The following PHF23 variants were observed in gnomAD, a reference collection of about 807,000 sequenced individuals.
The protein encoded by PHF23 is PHD finger protein 23, also known as PDH-containing protein JUNE-1.
PHF23 carries 3 observed loss-of-function variants against 36.0 expected under a neutral mutation model. That is an observed-to-expected ratio of 0.08 (90% CI 0.04 to 0.22). The LOEUF (loss-of-function observed/expected upper bound fraction) is 0.22, where lower values mean the gene tolerates loss of function less well. Ranked by LOEUF, PHF23 falls within the 10% of genes least tolerant of loss-of-function variation. The pLI, the probability that PHF23 is intolerant of heterozygous loss-of-function variation, is 1.00. For synonymous variants in PHF23, 242 were observed against 192.5 expected, an observed-to-expected ratio of 1.26 and a Z score of -2.13; for missense variants, 475 against 513.6, an observed-to-expected ratio of 0.92 and a Z score of 0.73.
At position 7,236,156 on chromosome 17, in the gene PHF23, T is replaced by TTCCTCTTCC. The variant is rs569508322; in HGVS notation, c.762_770dup (p.Glu259_Glu261dup). 3.1e-6 allele frequency: 5 copies of TTCCTCTTCC among 1,610,104 alleles called. No individual in the cohort carries two copies. Among genetic ancestry groups the TTCCTCTTCC allele is most frequent in the Admixed American group, 3.4e-5 (2 of 59,670 alleles). The stretch of plus-strand genomic sequence containing the variant: ...CCACTGTTGCCATCTCTTCTTCTTC[T>TTCCTCTTCC]TCCTCTTCCTCCTCTTCCTCCTCCT... On this transcript the variant is annotated inframe_insertion, in exon 4 of 5. Transcript: ENST00000320316. The surrounding 1 kb of genome is among the most constrained non-coding windows in gnomAD (Gnocchi z 5.1).
upstream of PHF23, chr17:7,239,468 G>C: frequency 2.5e-6 from 1 of 402,852 alleles, no homozygotes; most frequent in Non-Finnish European, 4.5e-6. Context: ...CCCGGACCGG[G>C]CCCCCTCCCC....
At position 7,236,637 on chromosome 17, in the gene PHF23, G is replaced by C. The variant is rs909582573; in HGVS notation, c.290C>G (p.Ser97Cys). The change falls in exon 4 of 5, where the codon TCC (serine) becomes TGC (cysteine). Residue 97 changes from serine to cysteine, a missense_variant. Physicochemically the swap from Ser to Cys is moderately radical, Grantham distance 112. This residue lies in a region of PHF23 where 350 missense variants were observed against 319.8 expected (regional missense o/e 1.09). Coordinates refer to ENST00000320316, the MANE Select transcript of PHF23 (RefSeq NM_024297.3). The surrounding 1 kb of genome is among the most constrained non-coding windows in gnomAD (Gnocchi z 5.1). Reference sequence around the variant, plus strand: ...ACCTGCTTGAGCTGCCCTTCTCTTGGATGACTTTGCTTTCTTAACAAAAGT... The same window carrying C: ...ACCTGCTTGAGCTGCCCTTCTCTTGCATGACTTTGCTTTCTTAACAAAAGT... ...IQTFVKKAKS[S>C]KRRAAQAGPT... is the part of the protein sequence containing the mutation. 6.2e-7 allele frequency: 1 copy of C among 1,614,158 alleles called. No homozygotes were observed.
rs1358894918 is a variant in PHF23, at chr17:7,236,099, T to C, written c.828A>G (p.Pro276=). 5 of 1,613,030 alleles carry C rather than the reference T, an allele frequency of 3.1e-6. No individual in the cohort carries two copies. The Middle Eastern group carries it at 6.6e-4, about 213-fold the overall frequency. ...VGGEAPVPVL[P]TPPEAPRPPA... Reference sequence around the variant, plus strand: ...GGGGCCTAGGAGCCTCAGGGGGTGTTGGCAGCACAGGGACTGGGGCTTCAC... The same window carrying C: ...GGGGCCTAGGAGCCTCAGGGGGTGTCGGCAGCACAGGGACTGGGGCTTCAC... Residue 276 remains proline, a synonymous_variant, in exon 4 of 5, where the codon CCA becomes CCG. Coordinates refer to ENST00000320316, the MANE Select transcript of PHF23 (RefSeq NM_024297.3). The surrounding 1 kb of genome is among the most constrained non-coding windows in gnomAD (Gnocchi z 5.1).
In PHF23 at chr17:7,235,804, C is replaced by T. The variant is rs1188236438; in HGVS notation, c.1034G>A (p.Arg345Gln). The T allele has an allele frequency of 3.1e-6, 5 of 1,613,952 alleles. No individual in the cohort carries two copies. The highest frequency in any genetic ancestry group is 1.7e-5 in the Admixed American group (1 of 60,004). Reference protein sequence around the residue: ...DSWDLITCYCRKPFAGRPMIE... With the variant: ...DSWDLITCYCQKPFAGRPMIE... Reference sequence around the variant, plus strand: ...CATGGGCCGCCCTGCAAAGGGCTTTCGACAGTAACATGTGATCAGATCCCA... The same window carrying T: ...CATGGGCCGCCCTGCAAAGGGCTTTTGACAGTAACATGTGATCAGATCCCA... The change falls in exon 5 of 5, where the codon CGA becomes CAA. Residue 345 changes from arginine (R) to glutamine (Q), a missense_variant. Physicochemically the swap from Arg to Gln is conservative, Grantham distance 43 (BLOSUM62 1). Around this residue, in one of 5 missense-constraint regions of PHF23, gnomAD observed 40 missense variants for 111.0 expected, o/e 0.36. Transcript: ENST00000320316.
Position 7,239,336 on chromosome 17 carries a change from T to G in PHF23, c.-57A>C. On this transcript the variant is annotated 5_prime_UTR_variant, in exon 1 of 5. Coordinates refer to ENST00000320316, the MANE Select transcript of PHF23 (RefSeq NM_024297.3). ...CCCTCCCCGGAGCCGGGGATCCCGG[T>G]GCCGCCTCTAGTGCTCGATGCTCCC... The G allele has an allele frequency of 5.7e-6, 5 of 873,404 alleles. No homozygotes were observed. The highest frequency in any genetic ancestry group is 1.7e-5 in the African/African-American group (1 of 59,388). The allele number at this position is 873,404 out of a possible 1,614,324, so 54.1% of individuals were successfully genotyped here. A position where few individuals can be genotyped will look rare whatever the true frequency, so the allele number is the denominator to read the frequency against.
In PHF23 at chr17:7,237,672, A is replaced by G. The variant is rs1189258360; in HGVS notation, c.35-12T>C. 1.2e-6 allele frequency: 2 copies of G among 1,613,636 alleles called. No homozygotes were observed. Among genetic ancestry groups the G allele is most frequent in the Non-Finnish European group, 1.7e-6 (2 of 1,179,824 alleles). Reference sequence around the variant, plus strand: ...GGTCGGAGGTGGATCTGGAAAAGCAATAAAAGCTGAGTCAAGACACTAGGA... The same window carrying G: ...GGTCGGAGGTGGATCTGGAAAAGCAGTAAAAGCTGAGTCAAGACACTAGGA... On this transcript the variant is annotated splice_polypyrimidine_tract_variant and intron_variant, in intron 1 of 4. Transcript: ENST00000320316.
chr17:7,237,699 C>G (rs368961145), intron 1 of PHF23, 39 bp from the exon 2 acceptor site: 3 of 1,610,782 alleles, frequency 1.9e-6, no homozygotes, highest in Non-Finnish European at 2.5e-6. Context: ...ACACTAGGAA[C>G]AATCTGTGTA....
intron 3 of PHF23, among the ~76,000 whole-genome samples, chr17:7,237,037 G>A (rs552661717): frequency 9.3e-4 from 141 of 152,222 alleles, no homozygotes; most frequent in African/African-American, 2.5e-3. Flanking sequence ...GACCGGAGCC[G>A]TTATGTCCTT....
upstream of PHF23, chr17:7,239,513 C>T (rs2071750276): frequency 8.9e-6 from 4 of 447,816 alleles, no homozygotes; most frequent in South Asian, 2.6e-5. Flanking sequence ...TCCTCCTCCT[C>T]CTCCACCTCC....
chr17:7,240,641 G>A, upstream of PHF23: 2 of 537,068 alleles, frequency 3.7e-6, no homozygotes, highest in South Asian at 2.2e-5. Context: ...GGCGGGCAGA[G>A]AAAGGGGAAG....
At chr17:7,237,938 CCA>C in intron 1 of PHF23, 1 of 479,528 alleles carries the variant, frequency 2.1e-6, no homozygotes, top group South Asian at 2.3e-5. Context: ...TCTCTCGACT[CCA>C]GTCTACTCGG....
chr17:7,239,128 C>T, intron 1 of PHF23, 118 bp downstream of exon 1: 9 of 1,022,394 alleles, frequency 8.8e-6, no homozygotes, highest in Non-Finnish European at 1.3e-5. Flanking sequence ...CAGGGCCAGC[C>T]TCCCGACCCC....
Position 7,236,724 on chromosome 17 carries a change from C to T in PHF23, c.203G>A (p.Gly68Glu). 6.2e-7 allele frequency: 1 copy of T among 1,613,790 alleles called. No individual in the cohort carries two copies. Among genetic ancestry groups the T allele is most frequent in the Non-Finnish European group, 8.5e-7 (1 of 1,179,964 alleles). ...PASGSSSPLRGESAADSDGWD... is the reference protein window; with the variant it reads ...PASGSSSPLREESAADSDGWD... ...GCCATCACTGTCGGCCGCACTCTCT[C>T]CTCGCAATGGAGAGCTGGAGCCAGA... The change falls in exon 4 of 5, where the codon GGA becomes GAA. Residue 68 changes from glycine to glutamate, a missense_variant. Gly to Glu is a moderately conservative substitution (Grantham distance 98, BLOSUM62 -2). This residue lies in a region of PHF23 where 350 missense variants were observed against 319.8 expected (regional missense o/e 1.09). Coordinates refer to ENST00000320316, the MANE Select transcript of PHF23 (RefSeq NM_024297.3). This position sits in a 1 kb window ranked among gnomAD's most constrained non-coding sequence, Gnocchi z 5.1.
intron 1 of PHF23, chr17:7,238,038 G>C (rs2071711146): frequency 4.4e-6 from 1 of 225,262 alleles, no homozygotes; most frequent in Non-Finnish European, 8.6e-6. Flanking sequence ...CGCGCCCGGA[G>C]CCCCGAGTTC....
rs780800282 is a variant in PHF23, at chr17:7,235,934, T to C, written c.993A>G (p.Glu331=). ...MRVMDEDIMV[E]SGDDSWDLIT... ...GCCCCAGCCCGAACCTCTCACCTGA[T>C]TCTACCATGATGTCCTCGTCCATGA... The change falls in exon 4 of 5, where the codon GAA becomes GAG. Residue 331 remains glutamate, a synonymous_variant. Coordinates refer to ENST00000320316, the MANE Select transcript of PHF23 (RefSeq NM_024297.3). 1.4e-5 allele frequency: 22 copies of C among 1,610,718 alleles called. No homozygotes were observed. In the East Asian group the frequency reaches 3.8e-4, roughly 28 times the overall value.
chr17:7,236,691 G>C lies in PHF23; in HGVS notation c.236C>G (p.Ser79Trp). The change falls in exon 4 of 5, where the codon TCG (serine) becomes TGG (tryptophan). Residue 79 changes from serine to tryptophan, a missense_variant. Around this residue, in one of 5 missense-constraint regions of PHF23, gnomAD observed 350 missense variants for 319.8 expected, o/e 1.09. Transcript: ENST00000320316. The surrounding 1 kb of genome is among the most constrained non-coding windows in gnomAD (Gnocchi z 5.1). ...ESAADSDGWD[S>W]APSDLRTIQT... The stretch of plus-strand genomic sequence containing the variant: ...GATGGTTCGAAGATCTGAGGGGGCC[G>C]AGTCCCAGCCATCACTGTCGGCCGC... 6 of 1,613,982 alleles carry C rather than the reference G, an allele frequency of 3.7e-6. No homozygotes were observed. Among genetic ancestry groups the C allele is most frequent in the Non-Finnish European group, 4.2e-6 (5 of 1,180,010 alleles).
chr17:7,236,254 T>C lies in PHF23; in HGVS notation c.673A>G (p.Lys225Glu). 1 of 1,613,628 alleles carries C rather than the reference T, an allele frequency of 6.2e-7. No individual in the cohort carries two copies. The change falls in exon 4 of 5, where the codon AAG becomes GAG. Residue 225 changes from lysine to glutamate, a missense_variant. Around this residue, in one of 5 missense-constraint regions of PHF23, gnomAD observed 350 missense variants for 319.8 expected, o/e 1.09. Transcript: ENST00000320316. This position sits in a 1 kb window ranked among gnomAD's most constrained non-coding sequence, Gnocchi z 5.1. ...IKKSKKRKLK[K>E]AERGDRLPPP... is the part of the protein sequence containing the mutation. Reference sequence around the variant, plus strand: ...GGGAGTCTATCCCCCCGTTCTGCCTTTTTTAACTTCCGCTTCTTGCTCTTC... The same window carrying C: ...GGGAGTCTATCCCCCCGTTCTGCCTCTTTTAACTTCCGCTTCTTGCTCTTC...
At chr17:7,237,980 C>G (rs1210327769) in intron 1 of PHF23, 3 of 295,468 alleles carry the variant, frequency 1.0e-5, no homozygotes, top group African/African-American at 6.8e-5. Context: ...CACCGTACCG[C>G]TCCCGGGGCC....
At chr17:7,237,359 C>G (rs1434025469) in intron 3 of PHF23, 26 bp downstream of exon 3, 1 of 1,578,866 alleles carries the variant, frequency 6.3e-7, no homozygotes, top group East Asian at 2.2e-5. Context: ...ACACCAGCCT[C>G]AAGTCAGTAA....
Sources: allele counts gnomAD v4.1 joint callset (sites outside exome capture counted in the v4.1 genomes callset), GRCh38; gene constraint gnomAD v4.1.1; regional missense constraint gnomAD v4.1.1; non-coding constraint Gnocchi (gnomAD v3.1); transcripts MANE v1.5; gene names NCBI Gene and HGNC (gene_info 2026-07-23, HGNC 2026-07-21).